The following NKAIN2 variants were observed in gnomAD, a reference collection of about 807,000 sequenced individuals.
NKAIN2 encodes sodium/potassium-transporting ATPase subunit beta-1-interacting protein 2.
In NKAIN2, 14 loss-of-function variants were observed where a neutral mutation model predicts 32.6. The ratio of observed to expected loss-of-function variants is 0.43; its 90% CI spans 0.28 to 0.67. The LOEUF (loss-of-function observed/expected upper bound fraction) is 0.67. Ranked by LOEUF, NKAIN2 falls within the 30% of genes least tolerant of loss-of-function variation. The pLI is 0.17. For synonymous variants in NKAIN2, 80 were observed against 87.2 expected, an observed-to-expected ratio of 0.92 and a Z score of 0.46; for missense variants, 198 against 258.3, an observed-to-expected ratio of 0.77 and a Z score of 1.60.
intron 1 of NKAIN2, among the ~76,000 whole-genome samples, chr6:123,832,587 A>G (rs1774433394): frequency 6.6e-6 from 1 of 152,218 alleles, no homozygotes; most frequent in South Asian, 2.1e-4. Context: ...TCGCATTTCT[A>G]CAAACAATGA....
intron 4 of NKAIN2, among the ~76,000 whole-genome samples, chr6:124,774,540 A>T (rs1163371439): frequency 6.6e-6 from 1 of 152,128 alleles, no homozygotes; most frequent in African/African-American, 2.4e-5. Flanking sequence ...GAAGTCAGAC[A>T]CACAAGTATG....
intron 1 of NKAIN2, among the ~76,000 whole-genome samples, chr6:124,095,108 A>G (rs1016700669): frequency 6.6e-6 from 1 of 152,168 alleles, no homozygotes; most frequent in Non-Finnish European, 1.5e-5. Context: ...GATGATTAGC[A>G]TAGTTGAAAA....
At chr6:123,871,859 G>A (rs1396475038) in intron 1 of NKAIN2, among the ~76,000 whole-genome samples, 1 of 152,112 alleles carries the variant, frequency 6.6e-6, no homozygotes, top group Non-Finnish European at 1.5e-5. Flanking sequence ...GTAAAGTCAA[G>A]TTTATTTCTT....
rs569317001 is a variant in NKAIN2 at position 124,166,520 on chromosome 6, C to A, written c.55-116485C>A. Among the ~76,000 whole-genome samples the A allele has an allele frequency of 4.6e-3, 686 of 150,232 alleles. 3 individuals are homozygous for A. Among genetic ancestry groups the A allele is most frequent in the African/African-American group, 0.013 (519 of 41,216 alleles). On this transcript the variant is annotated intron_variant, in intron 1 of 6. Transcript: ENST00000368417. Reference sequence around the variant, plus strand: ...TTGCTGTGCAGAAGCTCTTTAGTTTCATTAGATCCCATTTGTCAATTTTGT... The same window carrying A: ...TTGCTGTGCAGAAGCTCTTTAGTTTAATTAGATCCCATTTGTCAATTTTGT...
intron 1 of NKAIN2, among the ~76,000 whole-genome samples, chr6:123,898,967 C>A (rs1231132640): frequency 1.3e-5 from 2 of 152,204 alleles, no homozygotes; most frequent in Admixed American, 6.5e-5. Flanking sequence ...TGGTGAAAAC[C>A]ATTCAGACTA....
At chr6:124,213,837 T>G (rs1337416360) in intron 1 of NKAIN2, among the ~76,000 whole-genome samples, 2 of 152,152 alleles carry the variant, frequency 1.3e-5, no homozygotes, top group African/African-American at 2.4e-5. Flanking sequence ...GATGAACAAG[T>G]GTATTCCCAA....
At chr6:124,418,769 G>T (rs747824262) in intron 3 of NKAIN2, among the ~76,000 whole-genome samples, 3 of 151,490 alleles carry the variant, frequency 2.0e-5, no homozygotes, top group Non-Finnish European at 4.4e-5. Context: ...TGTTTTTCCA[G>T]TACTGATTGT....
intron 6 of NKAIN2, among the ~76,000 whole-genome samples, chr6:124,821,953 C>T (rs1781412971): frequency 6.6e-6 from 1 of 152,162 alleles, no homozygotes; most frequent in Admixed American, 6.5e-5. Flanking sequence ...TTCCTGACCC[C>T]TTCAGTTAGT....
At chr6:124,657,678 T>G (rs1583594442) in intron 3 of NKAIN2, among the ~76,000 whole-genome samples, 1 of 152,160 alleles carries the variant, frequency 6.6e-6, no homozygotes, top group East Asian at 1.9e-4. Flanking sequence ...ATATTATGTT[T>G]TCTTAAGTAA....
At chr6:124,510,116 A>AT (rs1234103325) in intron 3 of NKAIN2, among the ~76,000 whole-genome samples, 1 of 151,066 alleles carries the variant, frequency 6.6e-6, no homozygotes, top group East Asian at 2.0e-4. Flanking sequence ...AATTACCATG[A>AT]TTTTTGAAAT....
At chr6:124,243,051 AC>A (rs1359741675) in intron 1 of NKAIN2, among the ~76,000 whole-genome samples, 2 of 151,316 alleles carry the variant, frequency 1.3e-5, no homozygotes, top group African/African-American at 2.4e-5. Flanking sequence ...AAAAAAAAAA[AC>A]CCAAGGGCGG....
At chr6:124,236,062 T>C (rs1792741602) in intron 1 of NKAIN2, among the ~76,000 whole-genome samples, 1 of 151,906 alleles carries the variant, frequency 6.6e-6, no homozygotes, top group Non-Finnish European at 1.5e-5. Flanking sequence ...ACTGAGGTCT[T>C]GAGTGGCATT....
At chr6:124,155,598 C>CTTT (rs1196817378) in intron 1 of NKAIN2, among the ~76,000 whole-genome samples, 3 of 141,946 alleles carry the variant, frequency 2.1e-5, no homozygotes, top group African/African-American at 7.7e-5. Flanking sequence ...TATATGCTAT[C>CTTT]TTTTTTTTTT....
chr6:124,750,383 C>T (rs796664575), intron 4 of NKAIN2, among the ~76,000 whole-genome samples: 29 of 151,970 alleles, frequency 1.9e-4, no homozygotes, highest in African/African-American at 6.7e-4. Flanking sequence ...CTATACCCAC[C>T]TGTGTCCTCT....
intron 1 of NKAIN2, among the ~76,000 whole-genome samples, chr6:124,234,489 C>CTAGAATTTATAAAGAGCAT (rs1319008763): frequency 4.6e-5 from 7 of 152,074 alleles, no homozygotes; most frequent in African/African-American, 1.7e-4. Flanking sequence ...AGTATGCATA[C>CTAGAATTTATAAAGAGCAT]AATATGCTCT....
chr6:124,382,589 A>G (rs889781849), intron 3 of NKAIN2, among the ~76,000 whole-genome samples: 3 of 152,182 alleles, frequency 2.0e-5, no homozygotes, highest in Admixed American at 2.0e-4. Context: ...CAGACAATGT[A>G]AAAGCAAGGA....
At chr6:124,202,745 G>A (rs1177439573) in intron 1 of NKAIN2, among the ~76,000 whole-genome samples, 1 of 151,870 alleles carries the variant, frequency 6.6e-6, no homozygotes, top group Non-Finnish European at 1.5e-5. Flanking sequence ...AATGCCTGAT[G>A]ATGCCTTTTC....
chr6:124,491,322 C>T (rs1453942187), intron 3 of NKAIN2, among the ~76,000 whole-genome samples: 1 of 151,858 alleles, frequency 6.6e-6, no homozygotes, highest in East Asian at 1.9e-4. Flanking sequence ...TCTTTAATCT[C>T]TAAGTTCTTT....
At chr6:124,299,746 G>A (rs1796222636) in intron 2 of NKAIN2, among the ~76,000 whole-genome samples, 1 of 152,028 alleles carries the variant, frequency 6.6e-6, no homozygotes, top group Non-Finnish European at 1.5e-5. Flanking sequence ...TTCTGAATAA[G>A]TACAAAAGTT....
Sources: allele counts gnomAD v4.1 joint callset (sites outside exome capture counted in the v4.1 genomes callset), GRCh38; gene constraint gnomAD v4.1.1; transcripts MANE v1.5; gene names NCBI Gene and HGNC (gene_info 2026-07-23, HGNC 2026-07-21).